OCA2: variants seen among roughly 807,000 people sequenced by gnomAD.
OCA2 encodes the protein OCA2 melanosomal transmembrane protein.
OCA2 carries 77 observed loss-of-function variants against 100.2 expected under a neutral mutation model. The observed-to-expected ratio is 0.77, with a 90% confidence interval of 0.64 to 0.93. The LOEUF (loss-of-function observed/expected upper bound fraction) is 0.93, where lower values mean the gene tolerates loss of function less well. Ranked by LOEUF, OCA2 falls within the 40% of genes least tolerant of loss-of-function variation. The probability of loss-of-function intolerance (pLI) is 0.00; values close to 1 mark genes in which losing one functional copy is unlikely to be tolerated. For synonymous variants in OCA2, 432 were observed against 439.2 expected (o/e 0.98, Z 0.21); for missense variants, 1,062 against 1,089.1 (o/e 0.98, Z 0.35).
chr15:28,061,314 G>T (rs531907636), intron 2 of OCA2, among the ~76,000 whole-genome samples: 107 of 152,240 alleles, frequency 7.0e-4, no homozygotes, highest in African/African-American at 2.5e-3. Flanking sequence ...GAATACCTCT[G>T]TCCAGTCACT....
At chr15:27,947,129 G>A (rs985980812) in intron 18 of OCA2, among the ~76,000 whole-genome samples, 3 of 152,158 alleles carry the variant, frequency 2.0e-5, no homozygotes, top group African/African-American at 4.8e-5. Context: ...TGTATCTTTG[G>A]GTCTTCATTC....
intron 2 of OCA2, among the ~76,000 whole-genome samples, chr15:28,074,949 C>T (rs11853363): frequency 0.011 from 1,654 of 152,300 alleles, 28 homozygotes; most frequent in African/African-American, 0.037. Context: ...TTTCAACAAA[C>T]GGTCCTGGAA....
the OCA2 span, among the ~76,000 whole-genome samples, chr15:27,740,012 G>T: frequency 6.6e-6 from 1 of 152,152 alleles, no homozygotes; most frequent in East Asian, 1.9e-4. Context: ...GTACATGTTT[G>T]ACTATACACT....
chr15:28,077,745 A>C (rs1397777009), intron 2 of OCA2, among the ~76,000 whole-genome samples: 1 of 152,256 alleles, frequency 6.6e-6, no homozygotes, highest in Non-Finnish European at 1.5e-5. Flanking sequence ...AATTAGAAGA[A>C]ACTGATAAGA....
chr15:27,838,335 C>A (rs564130852), intron 23 of OCA2, among the ~76,000 whole-genome samples: 1 of 152,176 alleles, frequency 6.6e-6, no homozygotes, highest in East Asian at 1.9e-4. Context: ...AGACTATAAT[C>A]AAATGAAAAT....
In OCA2 at chr15:28,081,517, G is replaced by A. The variant is rs902694269; in HGVS notation, c.227+131C>T. ...TCATCAAAAACTAAGCCAGGAAAGT[G>A]ATCTAATGCTGGAAAAATTCTTGCA... On this transcript the variant is annotated intron_variant, in intron 2 of 23. Transcript: ENST00000354638. 1.4e-4 allele frequency: 109 copies of A among 779,750 alleles called. No individual in the cohort carries two copies. In the African/African-American group the frequency reaches 1.5e-3, roughly 11 times the overall value. 48.3% of individuals were successfully genotyped at this position (779,750 alleles called of 1,614,324 possible). A position where few individuals can be genotyped will look rare whatever the true frequency, so the allele number is the denominator to read the frequency against.
chr15:27,824,736 C>T (rs986122008), intron 23 of OCA2, among the ~76,000 whole-genome samples: 13 of 151,202 alleles, frequency 8.6e-5, no homozygotes, highest in African/African-American at 3.2e-4. Context: ...GCAGCACACT[C>T]GCCTAAAAGG....
At chr15:27,895,323 C>A (rs1013249490) in intron 19 of OCA2, among the ~76,000 whole-genome samples, 1 of 152,034 alleles carries the variant, frequency 6.6e-6, no homozygotes, top group African/African-American at 2.4e-5. Context: ...GAAAAGATAG[C>A]CGAAAATGTG....
chr15:27,911,642 C>T (rs971677944), intron 19 of OCA2, among the ~76,000 whole-genome samples: 1 of 152,044 alleles, frequency 6.6e-6, no homozygotes, highest in South Asian at 2.1e-4. Context: ...AGGTCTCTCA[C>T]GAAGTAATAG....
chr15:27,880,262 G>T (rs964659933), intron 19 of OCA2, among the ~76,000 whole-genome samples: 3 of 152,182 alleles, frequency 2.0e-5, no homozygotes, highest in African/African-American at 7.2e-5. Context: ...TAGCCTGGTG[G>T]TATAGTTTGA....
At chr15:27,871,690 C>T (rs1322806947) in intron 20 of OCA2, among the ~76,000 whole-genome samples, 173 bp downstream of exon 20, 5 of 152,200 alleles carry the variant, frequency 3.3e-5, no homozygotes, top group Non-Finnish European at 7.3e-5. Context: ...ACATATTCTT[C>T]GGAAAAAGTC....
At chr15:27,898,996 T>C (rs2037818242) in intron 19 of OCA2, among the ~76,000 whole-genome samples, 1 of 152,166 alleles carries the variant, frequency 6.6e-6, no homozygotes. Context: ...AAGGAAACTA[T>C]AGATCAATAT....
intron 19 of OCA2, among the ~76,000 whole-genome samples, chr15:27,872,516 C>G (rs1485545062): frequency 6.6e-6 from 1 of 152,084 alleles, no homozygotes; most frequent in Non-Finnish European, 1.5e-5. Context: ...CACAGGGATG[C>G]CCAGAGGCTC....
At chr15:28,025,636 T>G (rs185606853) in intron 4 of OCA2, among the ~76,000 whole-genome samples, 73 of 152,328 alleles carry the variant, frequency 4.8e-4, no homozygotes, top group African/African-American at 1.6e-3. Context: ...TGTCATGCCC[T>G]TCTCTGCTCA....
At chr15:27,755,532 G>T (rs773448027) in intron 23 of OCA2, 60 bp from the exon 24 acceptor site, 5 of 1,309,204 alleles carry the variant, frequency 3.8e-6, no homozygotes, top group Non-Finnish European at 5.5e-6. Flanking sequence ...CATGAGATAC[G>T]GACTCATAGC....
At chr15:27,828,440 C>T (rs895009577) in intron 23 of OCA2, among the ~76,000 whole-genome samples, 4 of 152,138 alleles carry the variant, frequency 2.6e-5, no homozygotes, top group South Asian at 2.1e-4. Context: ...CTGGGAACAG[C>T]GAGGCATACC....
downstream of OCA2, among the ~76,000 whole-genome samples, chr15:27,754,626 C>T (rs912239390): frequency 3.9e-5 from 6 of 152,156 alleles, no homozygotes; most frequent in African/African-American, 1.4e-4. Flanking sequence ...TGAGCCACAG[C>T]GTCCTGCAGG....
In OCA2 at chr15:27,933,169, C is replaced by T. The variant is rs141937377; in HGVS notation, c.1952-6915G>A. 2.9e-3 allele frequency among the ~76,000 whole-genome samples: 448 copies of T among 152,220 alleles called. 1 individual carries two copies. The highest frequency in any genetic ancestry group is 0.01 in the African/African-American group (434 of 41,508). On this transcript the variant is annotated intron_variant, in intron 18 of 23. Coordinates refer to ENST00000354638, the MANE Select transcript of OCA2 (RefSeq NM_000275.3). ...CCTTATCTTACACCATATACAGAAACTAATTCAAAATCGATTAGAGACCTA... is the reference window on the plus strand; with the variant it reads ...CCTTATCTTACACCATATACAGAAATTAATTCAAAATCGATTAGAGACCTA...
chr15:27,797,230 C>T (rs2033381989), intron 23 of OCA2, among the ~76,000 whole-genome samples: 1 of 152,168 alleles, frequency 6.6e-6, no homozygotes, highest in Non-Finnish European at 1.5e-5. Flanking sequence ...TGTGGGTCAA[C>T]AGGAATTGGG....
Sources: gnomAD v4.1 joint callset for allele counts (sites outside exome capture counted in the v4.1 genomes callset) on GRCh38, gnomAD v4.1.1 for gene constraint, MANE v1.5 for transcripts, NCBI Gene and HGNC (gene_info 2026-07-23, HGNC 2026-07-21) for gene names.